The following CTNNA2 variants were observed in gnomAD, a reference collection of about 807,000 sequenced individuals.
CTNNA2 encodes catenin alpha 2, also known as catenin alpha-2.
Under a neutral mutation model 101.0 loss-of-function variants are expected in CTNNA2, and 42 were observed. The observed-to-expected ratio is 0.42, with a 90% CI of 0.32 to 0.54. The LOEUF is 0.54. CTNNA2 is among the 20% of genes least tolerant of loss of function. The pLI is 0.14. For missense variants in CTNNA2, 871 were observed against 1,223.1 expected, an observed-to-expected ratio of 0.71 and a Z score of 4.29; for synonymous variants, 450 against 456.4, an observed-to-expected ratio of 0.99 and a Z score of 0.18.
intron 18 of CTNNA2, among the ~76,000 whole-genome samples, chr2:80,628,963 T>C (rs1671982804): frequency 6.6e-6 from 1 of 152,170 alleles, no homozygotes; most frequent in South Asian, 2.1e-4. Context: ...CTGAGCAAGT[T>C]GCCTCACCTC....
intron 7 of CTNNA2, among the ~76,000 whole-genome samples, chr2:79,977,035 T>C (rs1690897968): frequency 6.6e-6 from 1 of 152,232 alleles, no homozygotes; most frequent in Admixed American, 6.5e-5. Flanking sequence ...GTTTAGACTT[T>C]CTGATTCACA....
intron 15 of CTNNA2, among the ~76,000 whole-genome samples, chr2:80,600,975 T>C (rs932497824): frequency 3.3e-5 from 5 of 152,170 alleles, no homozygotes; most frequent in African/African-American, 1.2e-4. Context: ...GTTGTAACTA[T>C]TACCTTGAGC....
intron 8 of CTNNA2, among the ~76,000 whole-genome samples, chr2:80,404,584 A>G (rs557168412): frequency 1.4e-4 from 22 of 152,182 alleles, no homozygotes; most frequent in Non-Finnish European, 8.8e-5. Context: ...TGGGGAAAGG[A>G]GAAACAGGAA....
chr2:80,545,348 G>T (rs905455744), intron 10 of CTNNA2, among the ~76,000 whole-genome samples: 27 of 152,100 alleles, frequency 1.8e-4, no homozygotes, highest in Admixed American at 4.6e-4. Flanking sequence ...GGGGTTCAAG[G>T]CCAGCCTGGG....
chr2:79,589,484 T>C (rs1000972188), intron 1 of CTNNA2, among the ~76,000 whole-genome samples: 5 of 152,188 alleles, frequency 3.3e-5, no homozygotes, highest in African/African-American at 1.2e-4. Flanking sequence ...CTTTAAAAAT[T>C]CATTAGCCTC....
At chr2:79,513,881 C>T (rs1558689696) in intron 1 of CTNNA2, among the ~76,000 whole-genome samples, 1 of 151,956 alleles carries the variant, frequency 6.6e-6, no homozygotes, top group Admixed American at 6.6e-5. Flanking sequence ...CTTTGATTGT[C>T]TCCGTGAGAA....
At chr2:79,428,994 A>G (rs1023245774) in intron 4 of CTNNA2, among the ~76,000 whole-genome samples, 2 of 152,156 alleles carry the variant, frequency 1.3e-5, no homozygotes, top group Admixed American at 6.6e-5. Context: ...GGCTGATTTC[A>G]GTAAACAAAC....
At chr2:79,189,808 G>A (rs1353861595) in intron 1 of CTNNA2, among the ~76,000 whole-genome samples, 2 of 152,288 alleles carry the variant, frequency 1.3e-5, no homozygotes, top group South Asian at 4.1e-4. Flanking sequence ...ACTTGAGGAA[G>A]GGTCCTGGGC....
chr2:79,868,212 G>C (rs1682292704), intron 4 of CTNNA2, among the ~76,000 whole-genome samples: 1 of 151,984 alleles, frequency 6.6e-6, no homozygotes, highest in African/African-American at 2.4e-5. Flanking sequence ...TTTATAATTA[G>C]GGAAAAAAAG....
chr2:80,385,042 C>G (rs181674831), intron 7 of CTNNA2, among the ~76,000 whole-genome samples: 1 of 152,064 alleles, frequency 6.6e-6, no homozygotes, highest in Admixed American at 6.6e-5. Context: ...CATTCATTGA[C>G]TTAGAAAAAT....
intron 7 of CTNNA2, among the ~76,000 whole-genome samples, chr2:80,145,843 C>T (rs1448644963): frequency 6.6e-6 from 1 of 152,218 alleles, no homozygotes; most frequent in East Asian, 1.9e-4. Context: ...CGCACACACA[C>T]TGGTAACTTG....
intron 2 of CTNNA2, among the ~76,000 whole-genome samples, chr2:79,281,125 A>G (rs1675368146): frequency 1.3e-5 from 2 of 152,028 alleles, no homozygotes; most frequent in South Asian, 4.1e-4. Flanking sequence ...CTTCTGGGAA[A>G]CAGGAACTAA....
At chr2:79,792,302 T>C (rs1414317471) in intron 3 of CTNNA2, among the ~76,000 whole-genome samples, 1 of 152,194 alleles carries the variant, frequency 6.6e-6, no homozygotes, top group Non-Finnish European at 1.5e-5. Flanking sequence ...ATAAAGATAA[T>C]GTCTCCCTCT....
chr2:79,506,922 A>T (rs1671425567), intron 5 of CTNNA2, among the ~76,000 whole-genome samples: 1 of 152,180 alleles, frequency 6.6e-6, no homozygotes, highest in Admixed American at 6.5e-5. Flanking sequence ...GGGCCAGACC[A>T]ATTAATTTAT....
At chr2:80,374,419 A>G (rs749878304) in intron 7 of CTNNA2, among the ~76,000 whole-genome samples, 8 of 152,188 alleles carry the variant, frequency 5.3e-5, no homozygotes, top group Non-Finnish European at 1.2e-4. Context: ...GCAGTATTCC[A>G]TGGTGTATAT....
At chr2:79,817,819 A>G (rs1275426289) in intron 3 of CTNNA2, among the ~76,000 whole-genome samples, 1 of 152,178 alleles carries the variant, frequency 6.6e-6, no homozygotes, top group Non-Finnish European at 1.5e-5. Flanking sequence ...CTGACAACAA[A>G]TTGTTGTTGA....
Position 80,473,208 on chromosome 2 carries a change from G to T in CTNNA2, c.1290+53607G>T, listed in dbSNP as rs545835926. On this transcript the variant is annotated intron_variant, in intron 9 of 18. Coordinates refer to ENST00000402739, the MANE Select transcript of CTNNA2 (RefSeq NM_001282597.3). Reference sequence around the variant, plus strand: ...TGACCCCAGACTCCCCAGGCCTCAGGCTCCTCAGCGATTGAGCTGGAAGCC... The same window carrying T: ...TGACCCCAGACTCCCCAGGCCTCAGTCTCCTCAGCGATTGAGCTGGAAGCC... Among the ~76,000 whole-genome samples, 26 of 152,262 alleles carry T rather than the reference G, an allele frequency of 1.7e-4. 1 individual carries two copies. In the South Asian group the frequency reaches 5.2e-3, roughly 30 times the overall value.
chr2:80,199,685 T>C (rs961671368), intron 7 of CTNNA2, among the ~76,000 whole-genome samples: 2 of 152,216 alleles, frequency 1.3e-5, no homozygotes, highest in Admixed American at 6.5e-5. Context: ...TTAGGTATCA[T>C]GGTTACCTCT....
At position 80,386,937 on chromosome 2, in the gene CTNNA2, G is replaced by A. The variant is rs573740958; in HGVS notation, c.1057-6274G>A. Reference sequence around the variant, plus strand: ...ATCCAATGGAAGCACCAAGATGGTCGATTTATATTCCCAGGGCTTCCATGA... The same window carrying A: ...ATCCAATGGAAGCACCAAGATGGTCAATTTATATTCCCAGGGCTTCCATGA... On this transcript the variant is annotated intron_variant, in intron 7 of 18. Transcript: ENST00000402739. 5.9e-5 allele frequency among the ~76,000 whole-genome samples: 9 copies of A among 152,264 alleles called. No individual in the cohort carries two copies. In the East Asian group the frequency reaches 1.4e-3, roughly 23 times the overall value.
Sources: gnomAD v4.1 joint callset for allele counts (sites outside exome capture counted in the v4.1 genomes callset) on GRCh38, gnomAD v4.1.1 for gene constraint, MANE v1.5 for transcripts, NCBI Gene and HGNC (gene_info 2026-07-23, HGNC 2026-07-21) for gene names.